BRSK1: variants seen among roughly 807,000 people sequenced by gnomAD.
BRSK1 encodes BR serine/threonine kinase 1, also known as serine/threonine-protein kinase BRSK1.
BRSK1 carries 17 observed loss-of-function variants against 86.2 expected under a neutral mutation model. The ratio of observed to expected loss-of-function variants is 0.20; its 90% CI spans 0.14 to 0.30. The LOEUF (loss-of-function observed/expected upper bound fraction) is 0.30. Among genes scored for constraint, BRSK1 ranks in the 10% least tolerant of loss-of-function variants. The pLI is 1.00. For missense variants in BRSK1, 719 were observed against 1,071.9 expected (o/e 0.67, Z 4.60); for synonymous variants, 464 against 440.1 (o/e 1.05, Z -0.68).
At chr19:55,308,899 C>T (rs1041084969) in intron 18 of BRSK1, among the ~76,000 whole-genome samples, 171 bp downstream of exon 18, 4 of 151,860 alleles carry the variant, frequency 2.6e-5, no homozygotes, top group Non-Finnish European at 4.4e-5. Flanking sequence ...TTGCAGAGGA[C>T]GCCCAGCTGG....
chr19:55,287,348 T>G lies in BRSK1; in HGVS notation c.317+49T>G. 6.3e-7 allele frequency: 1 copy of G among 1,579,470 alleles called. No homozygotes were observed. The highest frequency in any genetic ancestry group is 1.7e-5 in the Admixed American group (1 of 59,926). ...CCTACCCCATCCTCCCTCTCCAGGT[T>G]ACCAGGGTGGGACTTCTCCAGAAAC... is the stretch of plus-strand genomic sequence containing the variant. On this transcript the variant is annotated intron_variant, in intron 3 of 18. Transcript: ENST00000309383. This position sits in a 1 kb window ranked among gnomAD's most constrained non-coding sequence, Gnocchi z 5.3.
chr19:55,302,501 A>G lies in BRSK1; in HGVS notation c.858-196A>G. 1.4e-6 allele frequency: 1 copy of G among 699,048 alleles called. No homozygotes were observed. Among genetic ancestry groups the G allele is most frequent in the Non-Finnish European group, 2.3e-6 (1 of 428,108 alleles). 43.3% of individuals were successfully genotyped at this position (699,048 alleles called of 1,614,324 possible). ...CCGGGGGCCTGGACCCCTCGGTCGG[A>G]GGGAAAAGGGGCTGGAGGTCTGGAC... is the stretch of plus-strand genomic sequence containing the variant. On this transcript the variant is annotated intron_variant, in intron 9 of 18. Transcript: ENST00000309383. This position sits in a 1 kb window ranked among gnomAD's most constrained non-coding sequence, Gnocchi z 6.3.
intron 7 of BRSK1, among the ~76,000 whole-genome samples, chr19:55,299,854 C>G (rs2061139195): frequency 1.3e-5 from 2 of 152,232 alleles, no homozygotes; most frequent in Admixed American, 6.5e-5. Context: ...CTCTGTATCT[C>G]CCCATTCTCC....
Position 55,287,723 on chromosome 19 carries a change from C to T in BRSK1, c.317+424C>T, listed in dbSNP as rs536283612. 1.3e-4 allele frequency among the ~76,000 whole-genome samples: 20 copies of T among 152,370 alleles called. No individual in the cohort carries two copies. The highest frequency in any genetic ancestry group is 6.8e-3 in the Middle Eastern group (2 of 294). On this transcript the variant is annotated intron_variant, in intron 3 of 18. Transcript: ENST00000309383. This position sits in a 1 kb window ranked among gnomAD's most constrained non-coding sequence, Gnocchi z 5.3. Reference sequence around the variant, plus strand: ...GCACTGGAGAGCCCCCCTCCTCCCCCGGCATAACTTCGGGTGCCGTGGCTG... The same window carrying T: ...GCACTGGAGAGCCCCCCTCCTCCCCTGGCATAACTTCGGGTGCCGTGGCTG...
chr19:55,302,752 G>A lies in BRSK1; in HGVS notation c.913G>A (p.Ala305Thr). 1 of 1,613,538 alleles carries A rather than the reference G, an allele frequency of 6.2e-7. No homozygotes were observed. The highest frequency in any genetic ancestry group is 8.5e-7 in the Non-Finnish European group (1 of 1,179,800). The part of the protein sequence containing the change: ...CLEPAPGRRV[A>T]MRSLPSNGEL... ...GGAGCCAGCCCCTGGCCGCCGGGTA[G>A]CCATGCGGAGCCTGCCATCCAACGG... The change falls in exon 10 of 19, where the codon GCC becomes ACC. Residue 305 changes from alanine (A) to threonine (T), a missense_variant. Physicochemically the swap from Ala to Thr is moderately conservative, Grantham distance 58. This residue lies in a region of BRSK1 where 168 missense variants were observed against 246.3 expected (regional missense o/e 0.68). Transcript: ENST00000309383. The surrounding 1 kb of genome is among the most constrained non-coding windows in gnomAD (Gnocchi z 6.3).
rs1187131652 is a variant in BRSK1, at chr19:55,303,890, C to T, written c.1286+64C>T. 2 of 1,529,464 alleles carry T rather than the reference C, an allele frequency of 1.3e-6. No individual in the cohort carries two copies. 94.7% of individuals were successfully genotyped at this position (1,529,464 alleles called of 1,614,324 possible). ...TGGGTCTAGGAGTTCAAGATTCTAA[C>T]CCCAGCTCTACCTCAAATGTGCTGT... is the stretch of plus-strand genomic sequence containing the variant. On this transcript the variant is annotated intron_variant, in intron 12 of 18. Coordinates refer to ENST00000309383, the MANE Select transcript of BRSK1 (RefSeq NM_032430.2). This position sits in a 1 kb window ranked among gnomAD's most constrained non-coding sequence, Gnocchi z 5.1.
Position 55,291,970 on chromosome 19 carries a change from G to C in BRSK1, c.459-2047G>C, listed in dbSNP as rs1291151804. On this transcript the variant is annotated intron_variant, in intron 4 of 18. Coordinates refer to ENST00000309383, the MANE Select transcript of BRSK1 (RefSeq NM_032430.2). ...AGATGGGGTTTCACCATGTTGGCCA[G>C]GCTGGTCTCGAACTCCTGACCTCAG... Among the ~76,000 whole-genome samples the C allele has an allele frequency of 2.0e-5, 3 of 152,228 alleles. No individual in the cohort carries two copies. The East Asian group carries it at 5.8e-4, about 29-fold the overall frequency.
In BRSK1 at chr19:55,304,837, G is replaced by T; in HGVS notation, c.1634G>T (p.Gly545Val). 1 of 1,602,378 alleles carries T rather than the reference G, an allele frequency of 6.2e-7. No homozygotes were observed. The highest frequency in any genetic ancestry group is 1.7e-5 in the Admixed American group (1 of 58,896). ...CCCCCCAGCCCCGGCGGTGGCGTCG[G>T]GGGAGCCGCCTGGAGGAGTCGTCTC... ...TPPPSPGGGVGGAAWRSRLNS... is the reference protein window; with the variant it reads ...TPPPSPGGGVVGAAWRSRLNS... Residue 545 changes from glycine (G) to valine (V), a missense_variant, in exon 14 of 19, where the codon GGG becomes GTG. Transcript: ENST00000309383. This position sits in a 1 kb window ranked among gnomAD's most constrained non-coding sequence, Gnocchi z 5.2.
Position 55,294,220 on chromosome 19 carries a change from C to A in BRSK1, c.582C>A (p.Pro194=). 1 of 1,613,870 alleles carries A rather than the reference C, an allele frequency of 6.2e-7. No individual in the cohort carries two copies. Among genetic ancestry groups the A allele is most frequent in the Non-Finnish European group, 8.5e-7 (1 of 1,179,856 alleles). ...DSLLETSCGS[P]HYACPEVIKG... Reference sequence around the variant, plus strand: ...CATCAGCTCTCTCCCTCAGGTCCCCCCATTATGCGTGTCCAGAGGTGATTA... The same window carrying A: ...CATCAGCTCTCTCCCTCAGGTCCCCACATTATGCGTGTCCAGAGGTGATTA... Residue 194 remains proline (P), a synonymous_variant, in exon 6 of 19, where the codon CCC becomes CCA. Coordinates refer to ENST00000309383, the MANE Select transcript of BRSK1 (RefSeq NM_032430.2). The surrounding 1 kb of genome is among the most constrained non-coding windows in gnomAD (Gnocchi z 4.9).
chr19:55,303,387 C>A lies in BRSK1; in HGVS notation c.1105C>A (p.Leu369Met). 1 of 1,613,938 alleles carries A rather than the reference C, an allele frequency of 6.2e-7. No homozygotes were observed. Among genetic ancestry groups the A allele is most frequent in the South Asian group, 1.1e-5 (1 of 91,076 alleles). The stretch of plus-strand genomic sequence containing the variant: ...GTATCCCAGCTGTGAGGACCAGGAC[C>A]TGCCTCCCCGGAATGATGTTGGTGA... ...ERYPSCEDQD[L>M]PPRNDVDPPR... The change falls in exon 11 of 19, where the codon CTG (leucine) becomes ATG (methionine). Residue 369 changes from leucine (L) to methionine (M), a missense_variant. Leu to Met is a conservative substitution (Grantham distance 15, BLOSUM62 2). Around this residue, in one of 6 missense-constraint regions of BRSK1, gnomAD observed 168 missense variants for 246.3 expected, o/e 0.68. Transcript: ENST00000309383. The surrounding 1 kb of genome is among the most constrained non-coding windows in gnomAD (Gnocchi z 5.1).
chr19:55,302,554 C>G lies in BRSK1; in HGVS notation c.858-143C>G. The G allele has an allele frequency of 1.8e-6, 2 of 1,104,476 alleles. No individual in the cohort carries two copies. Among genetic ancestry groups the G allele is most frequent in the Non-Finnish European group, 1.3e-6 (1 of 767,640 alleles). The allele number at this position is 1,104,476 out of a possible 1,614,324, so 68.4% of individuals were successfully genotyped here. ...CTGGGTCTGAGATGGGGGGCGAGGT[C>G]TGGGGCGTCTGGATTCCTGGGTATG... On this transcript the variant is annotated intron_variant, in intron 9 of 18. Coordinates refer to ENST00000309383, the MANE Select transcript of BRSK1 (RefSeq NM_032430.2). The surrounding 1 kb of genome is among the most constrained non-coding windows in gnomAD (Gnocchi z 6.3).
At position 55,301,547 on chromosome 19, in the gene BRSK1, G is replaced by C. The variant is rs754468571; in HGVS notation, c.714G>C (p.Gln238His). The stretch of plus-strand genomic sequence containing the variant: ...CCTTTGATGACGACAACCTCCGCCA[G>C]CTGCTGGAGAAGGTGAAACGGGGCG... ...ALPFDDDNLR[Q>H]LLEKVKRGVF... Residue 238 changes from glutamine to histidine, a missense_variant, in exon 8 of 19, where the codon CAG (glutamine) becomes CAC (histidine). By Grantham distance (24) the Gln-to-His change is conservative. Transcript: ENST00000309383. The C allele has an allele frequency of 6.2e-7, 1 of 1,613,956 alleles. No individual in the cohort carries two copies. The highest frequency in any genetic ancestry group is 1.7e-5 in the Admixed American group (1 of 59,986).
intron 4 of BRSK1, among the ~76,000 whole-genome samples, chr19:55,293,651 A>G (rs2088441925): frequency 6.6e-6 from 1 of 151,676 alleles, no homozygotes; most frequent in Non-Finnish European, 1.5e-5. Context: ...TCTCTACTAA[A>G]AATACAAAAA....
In BRSK1 at chr19:55,306,416, T is replaced by TATG; in HGVS notation, c.2055_2056insATG (p.Gly685_Gly686insMet). 6.2e-7 allele frequency: 1 copy of TATG among 1,613,668 alleles called. No homozygotes were observed. The highest frequency in any genetic ancestry group is 1.7e-4 in the Middle Eastern group (1 of 6,058). Reference sequence around the variant, plus strand: ...CGCGACGGGACGGCAGCGGAGGTGGTGGCATCTACTCCGTCACCTTCACTC... The same window carrying TATG: ...CGCGACGGGACGGCAGCGGAGGTGGTATGGGCATCTACTCCGTCACCTTCACTC... On this transcript the variant is annotated inframe_insertion, in exon 17 of 19. Coordinates refer to ENST00000309383, the MANE Select transcript of BRSK1 (RefSeq NM_032430.2). The surrounding 1 kb of genome is among the most constrained non-coding windows in gnomAD (Gnocchi z 4.7).
intron 7 of BRSK1, among the ~76,000 whole-genome samples, chr19:55,298,209 C>CTTTTTTTTTTT (rs71181751): frequency 5.7e-5 from 4 of 69,622 alleles, no homozygotes; most frequent in Admixed American, 1.8e-4. Flanking sequence ...TTTGTTTCTT[C>CTTTTTTTTTTT]TTTTTTTTTT....
Position 55,287,070 on chromosome 19 carries a change from G to A in BRSK1, c.200G>A (p.Arg67Gln). ...GQKVAIKIVN[R>Q]EKLSESVLMK... is the part of the protein sequence containing the mutation. ...AAGGTCGCCATCAAGATCGTGAACC[G>A]GGAGAAGCTGTCGGAGTCGGTGCTG... Residue 67 changes from arginine (R) to glutamine (Q), a missense_variant, in exon 2 of 19, where the codon CGG (arginine) becomes CAG (glutamine). This residue lies in a region of BRSK1 where 71 missense variants were observed against 92.6 expected (regional missense o/e 0.77). Coordinates refer to ENST00000309383, the MANE Select transcript of BRSK1 (RefSeq NM_032430.2). The surrounding 1 kb of genome is among the most constrained non-coding windows in gnomAD (Gnocchi z 5.3). 1 of 1,613,726 alleles carries A rather than the reference G, an allele frequency of 6.2e-7. No homozygotes were observed. Among genetic ancestry groups the A allele is most frequent in the Non-Finnish European group, 8.5e-7 (1 of 1,179,878 alleles).
intron 7 of BRSK1, among the ~76,000 whole-genome samples, chr19:55,300,537 T>C (rs1276842291): frequency 6.6e-6 from 1 of 151,562 alleles, no homozygotes; most frequent in Non-Finnish European, 1.5e-5. Context: ...ACCCCATCTC[T>C]GCTAAAAATA....
At position 55,302,661 on chromosome 19, in the gene BRSK1, A is replaced by G; in HGVS notation, c.858-36A>G. The G allele has an allele frequency of 6.3e-7, 1 of 1,581,316 alleles. No homozygotes were observed. The highest frequency in any genetic ancestry group is 1.1e-5 in the South Asian group (1 of 88,816). On this transcript the variant is annotated intron_variant, in intron 9 of 18. Coordinates refer to ENST00000309383, the MANE Select transcript of BRSK1 (RefSeq NM_032430.2). This position sits in a 1 kb window ranked among gnomAD's most constrained non-coding sequence, Gnocchi z 6.3. ...AGAATGAAGAATGCTGAATCTCAGA[A>G]GCCCGGTTCCCAATAATGTTTCTCC...
rs1271188822 is a variant in BRSK1 at position 55,304,556 on chromosome 19, G to A, written c.1353G>A (p.Pro451=). ...SSSPLSSPRS[P]VFSFSPEPGA... is the part of the protein sequence containing the mutation. ...CAGTCTCCTGTCCTCTGCAGAGTCC[G>A]GTCTTTTCCTTTTCACCGGAGCCGG... Residue 451 remains proline, a synonymous_variant, in exon 14 of 19, where the codon CCG becomes CCA. Coordinates refer to ENST00000309383, the MANE Select transcript of BRSK1 (RefSeq NM_032430.2). The surrounding 1 kb of genome is among the most constrained non-coding windows in gnomAD (Gnocchi z 5.2). The A allele has an allele frequency of 1.3e-6, 2 of 1,582,130 alleles. No homozygotes were observed. Among genetic ancestry groups the A allele is most frequent in the Admixed American group, 1.8e-5 (1 of 54,492 alleles).
Sources: gnomAD v4.1 joint callset for allele counts (sites outside exome capture counted in the v4.1 genomes callset) on GRCh38, gnomAD v4.1.1 for gene constraint, gnomAD v4.1.1 regional missense constraint, Gnocchi (gnomAD v3.1) non-coding constraint, MANE v1.5 for transcripts, NCBI Gene and HGNC (gene_info 2026-07-23, HGNC 2026-07-21) for gene names.